The following KMT2C variants were observed in gnomAD, a reference collection of about 807,000 sequenced individuals.
KMT2C encodes lysine methyltransferase 2C.
KMT2C carries 88 observed loss-of-function variants against 507.9 expected under a neutral mutation model. The ratio of observed to expected loss-of-function variants is 0.17; its 90% CI spans 0.15 to 0.21. KMT2C has a LOEUF of 0.21. Ranked by LOEUF, KMT2C falls within the 10% of genes least tolerant of loss-of-function variation. The probability of loss-of-function intolerance (pLI) is 1.00; values close to 1 mark genes in which losing one functional copy is unlikely to be tolerated. For synonymous variants in KMT2C, 2,049 were observed against 2,080.8 expected (o/e 0.98, Z 0.42); for missense variants, 4,954 against 5,957.8 (o/e 0.83, Z 5.55).
intron 23 of KMT2C, among the ~76,000 whole-genome samples, chr7:152,215,688 T>TATATATATATATATATATACAC (rs766518165): frequency 1.8e-4 from 24 of 134,426 alleles, no homozygotes; most frequent in African/African-American, 6.8e-4. Context: ...TATATATATA[T>TATATATATATATATATATACAC]ACACACACAC....
rs375641244 is a variant in KMT2C, at chr7:152,162,242, G to C, written c.11335C>G (p.His3779Asp). The C allele has an allele frequency of 8.7e-6, 14 of 1,613,954 alleles. No homozygotes were observed. The Admixed American group carries it at 1.5e-4, about 17-fold the overall frequency. ...KGDSGNELLK[H>D]LLKNKKSSSL... ...GATGACTTTTTATTTTTCAACAAGT[G>C]TTTCAGAAGTTCATTCCCTGAGTCT... The change falls in exon 43 of 59, where the codon CAC becomes GAC. Residue 3779 changes from histidine (H) to aspartate (D), a missense_variant. Transcript: ENST00000262189.
chr7:152,139,006 A>C (rs2090201889), intron 57 of KMT2C, 102 bp from the exon 58 acceptor site: 1 of 1,053,176 alleles, frequency 9.5e-7, no homozygotes. Context: ...TTAAATTTCT[A>C]TTTGCCCATT....
chr7:152,389,792 G>A (rs2097475002), intron 1 of KMT2C, among the ~76,000 whole-genome samples: 1 of 152,002 alleles, frequency 6.6e-6, no homozygotes, highest in Non-Finnish European at 1.5e-5. Context: ...TGGGATTACA[G>A]ACATTTTCTT....
chr7:152,240,725 C>T (rs573510240), intron 14 of KMT2C, among the ~76,000 whole-genome samples: 5 of 152,338 alleles, frequency 3.3e-5, no homozygotes, highest in African/African-American at 1.2e-4. Context: ...TCCTCTCCCC[C>T]AACACTTCAT....
intron 6 of KMT2C, among the ~76,000 whole-genome samples, chr7:152,284,013 A>C (rs577465760): frequency 6.6e-6 from 1 of 152,256 alleles, no homozygotes; most frequent in East Asian, 1.9e-4. Context: ...TTAACTATTT[A>C]ATACTAGTAC....
chr7:152,310,898 C>G (rs1374555084), intron 5 of KMT2C, among the ~76,000 whole-genome samples: 1 of 151,960 alleles, frequency 6.6e-6, no homozygotes, highest in Non-Finnish European at 1.5e-5. Flanking sequence ...GTTGCCCAGT[C>G]TGGTCTTGAA....
chr7:152,432,590 T>C (rs1211227361), intron 1 of KMT2C, among the ~76,000 whole-genome samples: 1 of 152,240 alleles, frequency 6.6e-6, no homozygotes, highest in Non-Finnish European at 1.5e-5. Context: ...CTTTTCCAAC[T>C]CTAAGATTAA....
chr7:152,303,888 T>G (rs2096593215), intron 6 of KMT2C, among the ~76,000 whole-genome samples: 1 of 152,038 alleles, frequency 6.6e-6, no homozygotes, highest in Non-Finnish European at 1.5e-5. Flanking sequence ...CCTGGGAGAC[T>G]GAGGTGGGAG....
At chr7:152,306,811 T>C (rs1373007935) in intron 6 of KMT2C, among the ~76,000 whole-genome samples, 1 of 152,206 alleles carries the variant, frequency 6.6e-6, no homozygotes, top group East Asian at 1.9e-4. Flanking sequence ...TCTTCCTTTC[T>C]TGAGACAAAG....
intron 23 of KMT2C, among the ~76,000 whole-genome samples, chr7:152,212,714 A>C (rs1018389945): frequency 1.3e-5 from 2 of 152,260 alleles, no homozygotes; most frequent in African/African-American, 4.8e-5. Context: ...AAAGCTTTAT[A>C]TACTAAACAC....
At chr7:152,313,324 G>C (rs2096690874) in intron 4 of KMT2C, among the ~76,000 whole-genome samples, 1 of 151,880 alleles carries the variant, frequency 6.6e-6, no homozygotes, top group African/African-American at 2.4e-5. Context: ...TGAGGGAAAG[G>C]GGTGTAAAAA....
chr7:152,333,385 C>G (rs947557471), intron 2 of KMT2C, among the ~76,000 whole-genome samples: 1 of 152,150 alleles, frequency 6.6e-6, no homozygotes, highest in African/African-American at 2.4e-5. Flanking sequence ...CCTTGGCCTC[C>G]CAAAGTGCCA....
At chr7:152,350,186 G>A (rs979434413) in intron 2 of KMT2C, among the ~76,000 whole-genome samples, 6 of 152,128 alleles carry the variant, frequency 3.9e-5, no homozygotes, top group African/African-American at 1.4e-4. Flanking sequence ...GGAGGCAGAA[G>A]TTGCAGTGAG....
rs150233406 is a variant in KMT2C, at chr7:152,166,373, C to T, written c.9750+773G>A. ...CTGACCTCAAGTGATCCACCCACCT[C>T]GGCCTCCCAAAGTGCTGGAATTACA... On this transcript the variant is annotated intron_variant, in intron 42 of 58. Coordinates refer to ENST00000262189, the MANE Select transcript of KMT2C (RefSeq NM_170606.3). 4.6e-3 allele frequency among the ~76,000 whole-genome samples: 696 copies of T among 151,944 alleles called. 2 individuals carry two copies. Among genetic ancestry groups the T allele is most frequent in the African/African-American group, 0.016 (655 of 41,436 alleles).
intron 1 of KMT2C, among the ~76,000 whole-genome samples, chr7:152,362,488 T>G (rs1167455803): frequency 1.3e-5 from 2 of 152,198 alleles, no homozygotes; most frequent in Non-Finnish European, 2.9e-5. Flanking sequence ...CCAACATGGC[T>G]GCTTCAAAGA....
chr7:152,339,137 T>G (rs1014713877), intron 2 of KMT2C, among the ~76,000 whole-genome samples: 1 of 152,218 alleles, frequency 6.6e-6, no homozygotes, highest in African/African-American at 2.4e-5. Context: ...TTGGACTCCC[T>G]TATCAATACA....
rs1305920959 is a variant in KMT2C at position 152,179,944 on chromosome 7, C to T, written c.7332G>A (p.Arg2444=). ...GTCCTAAAGGAGGGGCAACAGGAGA[C>T]CTAATGTTCCCAGGATAGGGAGGTG... is the stretch of plus-strand genomic sequence containing the variant. ...RPPPPYPGNI[R]SPVAPPLGPR... Residue 2444 remains arginine, a synonymous_variant, in exon 37 of 59, where the codon AGG becomes AGA. Coordinates refer to ENST00000262189, the MANE Select transcript of KMT2C (RefSeq NM_170606.3). 6 of 1,613,986 alleles carry T rather than the reference C, an allele frequency of 3.7e-6. No individual in the cohort carries two copies. In the East Asian group the frequency reaches 6.7e-5, roughly 18 times the overall value.
At chr7:152,350,314 T>A (rs1413463586) in intron 2 of KMT2C, among the ~76,000 whole-genome samples, 1 of 152,184 alleles carries the variant, frequency 6.6e-6, no homozygotes, top group African/African-American at 2.4e-5. Context: ...TAACTGAATG[T>A]ATCGATGTGA....
At chr7:152,179,788 C>A (rs2129117792) in intron 37 of KMT2C, 46 bp downstream of exon 37, 1 of 1,568,218 alleles carries the variant, frequency 6.4e-7, no homozygotes, top group South Asian at 1.1e-5. Flanking sequence ...CTCTGTTTCC[C>A]TCTTCTAATA....
Sources: gnomAD v4.1 joint callset for allele counts (sites outside exome capture counted in the v4.1 genomes callset) on GRCh38, gnomAD v4.1.1 for gene constraint, MANE v1.5 for transcripts, NCBI Gene and HGNC (gene_info 2026-07-23, HGNC 2026-07-21) for gene names.